Variants in ADAMTSL1 observed in about 807,000 individuals in gnomAD.
ADAMTSL1 encodes ADAMTS-like protein 1.
In ADAMTSL1, 126 loss-of-function variants were observed where a neutral mutation model predicts 201.8. The observed-to-expected ratio is 0.62, with a 90% CI of 0.54 to 0.72. The LOEUF (loss-of-function observed/expected upper bound fraction) is 0.72. ADAMTSL1 is among the 30% of genes least tolerant of loss of function. ADAMTSL1 has a pLI of 0.00. For missense variants in ADAMTSL1, 2,679 were observed against 2,277.8 expected (o/e 1.18, Z -3.59); for synonymous variants, 1,121 against 903.4 (o/e 1.24, Z -4.32).
At position 18,622,365 on chromosome 9, in the gene ADAMTSL1, C is replaced by A; in HGVS notation, c.597C>A (p.Thr199=). 1 of 1,614,034 alleles carries A rather than the reference C, an allele frequency of 6.2e-7. No homozygotes were observed. The highest frequency in any genetic ancestry group is 8.5e-7 in the Non-Finnish European group (1 of 1,179,946). ...AGTATAAATCCCAGCTCTCCGCAAC[C>A]AAATGTAAGACACACAGAGATGGGC... is the stretch of plus-strand genomic sequence containing the variant. ...RGQYKSQLSA[T]KSDDTVVAIP... is the part of the protein sequence containing the mutation. The change falls in exon 5 of 29, where the codon ACC becomes ACA. Residue 199 remains threonine, a synonymous_variant. Transcript: ENST00000380548.
At chr9:18,016,713 A>G (rs1056901598) in intron 1 of ADAMTSL1, among the ~76,000 whole-genome samples, 2 of 152,026 alleles carry the variant, frequency 1.3e-5, no homozygotes, top group Non-Finnish European at 2.9e-5. Flanking sequence ...GCCATGTACA[A>G]AAAAAGTACC....
At chr9:18,043,629 A>G (rs1821528130) in intron 1 of ADAMTSL1, among the ~76,000 whole-genome samples, 1 of 152,102 alleles carries the variant, frequency 6.6e-6, no homozygotes, top group Non-Finnish European at 1.5e-5. Flanking sequence ...GAGGGAAGAT[A>G]TGGCCAGCAG....
chr9:18,481,332 G>A (rs906352961), intron 1 of ADAMTSL1, among the ~76,000 whole-genome samples: 13 of 152,070 alleles, frequency 8.5e-5, no homozygotes, highest in Non-Finnish European at 1.5e-4. Context: ...ATCACCTGAG[G>A]TCAGGAGTTC....
chr9:18,149,645 A>G (rs1826821129), intron 1 of ADAMTSL1, among the ~76,000 whole-genome samples: 1 of 152,042 alleles, frequency 6.6e-6, no homozygotes, highest in African/African-American at 2.4e-5. Context: ...AAATCTGAGA[A>G]ACACTGCATG....
At chr9:18,175,877 T>C (rs1828123867) in intron 2 of ADAMTSL1, among the ~76,000 whole-genome samples, 1 of 151,966 alleles carries the variant, frequency 6.6e-6, no homozygotes, top group African/African-American at 2.4e-5. Context: ...AGGGGCAGTC[T>C]AGTACCAGGC....
At chr9:18,762,277 TG>T (rs1337247127) in intron 16 of ADAMTSL1, among the ~76,000 whole-genome samples, 1 of 151,934 alleles carries the variant, frequency 6.6e-6, no homozygotes, top group Non-Finnish European at 1.5e-5. Flanking sequence ...TAGGTCAGGG[TG>T]GGTTGGAGGT....
At chr9:18,793,933 C>T (rs1315694058) in intron 19 of ADAMTSL1, among the ~76,000 whole-genome samples, 2 of 151,740 alleles carry the variant, frequency 1.3e-5, no homozygotes, top group East Asian at 3.9e-4. Flanking sequence ...CTAGAAATGG[C>T]ATAAATCTAG....
intron 23 of ADAMTSL1, among the ~76,000 whole-genome samples, chr9:18,852,097 C>G (rs1271315845): frequency 6.6e-6 from 1 of 152,202 alleles, no homozygotes; most frequent in Non-Finnish European, 1.5e-5. Flanking sequence ...TCCAACAAAT[C>G]CATCTAACCC....
chr9:18,136,088 C>T (rs553288428), intron 1 of ADAMTSL1, among the ~76,000 whole-genome samples: 56 of 152,302 alleles, frequency 3.7e-4, no homozygotes, highest in African/African-American at 1.3e-3. Context: ...CCCTCAGTCA[C>T]ATAATACTGA....
At chr9:18,081,778 C>T (rs1340073763) in intron 1 of ADAMTSL1, among the ~76,000 whole-genome samples, 1 of 152,110 alleles carries the variant, frequency 6.6e-6, no homozygotes, top group Non-Finnish European at 1.5e-5. Flanking sequence ...ATAGTTTAGA[C>T]TTTAAAGATT....
intron 13 of ADAMTSL1, among the ~76,000 whole-genome samples, chr9:18,695,066 G>A (rs1831467997): frequency 6.6e-6 from 1 of 152,212 alleles, no homozygotes; most frequent in South Asian, 2.1e-4. Context: ...GCCATGGCTG[G>A]AGCTGGAGCA....
chr9:17,985,127 C>T (rs1818870501), intron 1 of ADAMTSL1, among the ~76,000 whole-genome samples: 1 of 152,106 alleles, frequency 6.6e-6, no homozygotes, highest in Non-Finnish European at 1.5e-5. Flanking sequence ...GATTGAGGCA[C>T]AGTTTAAGTT....
chr9:18,829,781 C>T, intron 22 of ADAMTSL1, 62 bp from the exon 23 acceptor site: 1 of 1,603,468 alleles, frequency 6.2e-7, no homozygotes, highest in Non-Finnish European at 8.5e-7. Context: ...CCCACCTCTT[C>T]CTCTTGCCTT....
At chr9:18,543,881 C>A (rs73644236) in intron 3 of ADAMTSL1, among the ~76,000 whole-genome samples, 5,080 of 152,144 alleles carry the variant, frequency 0.033, 279 homozygotes, top group African/African-American at 0.12. Flanking sequence ...GCACACATTT[C>A]TTTTTTAATG....
chr9:18,489,973 G>A (rs1237170694), intron 1 of ADAMTSL1, among the ~76,000 whole-genome samples: 1 of 152,152 alleles, frequency 6.6e-6, no homozygotes, highest in South Asian at 2.1e-4. Flanking sequence ...AAATAAGTAC[G>A]TGTAAGTACT....
intron 14 of ADAMTSL1, among the ~76,000 whole-genome samples, chr9:18,716,010 G>C (rs1050392770): frequency 5.3e-5 from 8 of 150,768 alleles, no homozygotes; most frequent in Admixed American, 4.6e-4. Context: ...TTAATAAATG[G>C]TGCTGGGAAA....
In ADAMTSL1 at chr9:18,043,460, G is replaced by A. The variant is rs1478696612; in HGVS notation, c.88-120402G>A. ...AAGCTATTTTACCACCTGGGCTACA[G>A]TAAGCAAAAGATGATATTAGCTTGG... On this transcript the variant is annotated intron_variant, in intron 1 of 29. Transcript: ENST00000680146. 1.2e-4 allele frequency among the ~76,000 whole-genome samples: 18 copies of A among 152,120 alleles called. 1 individual carries two copies. The highest frequency in any genetic ancestry group is 1.1e-3 in the Admixed American group (17 of 15,260).
At chr9:18,852,737 AAT>A (rs1461204748) in intron 23 of ADAMTSL1, among the ~76,000 whole-genome samples, 1 of 152,212 alleles carries the variant, frequency 6.6e-6, no homozygotes, top group African/African-American at 2.4e-5. Flanking sequence ...ACATAACCTT[AAT>A]GAGTCTGCCT....
At chr9:18,432,343 A>T (rs936273768) in intron 2 of ADAMTSL1, among the ~76,000 whole-genome samples, 16 of 152,220 alleles carry the variant, frequency 1.1e-4, no homozygotes, top group Admixed American at 1.0e-3. Context: ...ATGTTTGTTG[A>T]GTTAAATGTA....
Sources: gnomAD v4.1 joint callset for allele counts (sites outside exome capture counted in the v4.1 genomes callset) on GRCh38, gnomAD v4.1.1 for gene constraint, MANE v1.5 for transcripts, NCBI Gene and HGNC (gene_info 2026-07-23, HGNC 2026-07-21) for gene names.